The following CHST11 variants were observed in gnomAD, a reference collection of about 807,000 sequenced individuals.
CHST11 encodes the protein C4S-1.
Under a neutral mutation model 30.4 loss-of-function variants are expected in CHST11, and 9 were observed. The ratio of observed to expected loss-of-function variants is 0.30; its 90% CI spans 0.18 to 0.52. The LOEUF is 0.52. CHST11 is among the 20% of genes least tolerant of loss of function. The probability of loss-of-function intolerance (pLI) is 0.97; values close to 1 mark genes in which losing one functional copy is unlikely to be tolerated. For missense variants in CHST11, 348 were observed against 460.6 expected (o/e 0.76, Z 2.24); for synonymous variants, 152 against 187.8 (o/e 0.81, Z 1.56).
intron 1 of CHST11, among the ~76,000 whole-genome samples, chr12:104,583,952 A>T (rs7299085): frequency 0.58 from 87,560 of 152,104 alleles, 25,490 homozygotes; most frequent in East Asian, 0.77. Context: ...ACCTCAAGTG[A>T]TCCGCCCTCC....
intron 2 of CHST11, among the ~76,000 whole-genome samples, chr12:104,620,320 A>G (rs925556277): frequency 6.6e-6 from 1 of 152,230 alleles, no homozygotes; most frequent in African/African-American, 2.4e-5. Context: ...GAGTTTGAAA[A>G]GAAGTGTGAC....
chr12:104,722,764 G>C (rs1383596660), intron 2 of CHST11, among the ~76,000 whole-genome samples: 1 of 151,984 alleles, frequency 6.6e-6, no homozygotes, highest in Non-Finnish European at 1.5e-5. Context: ...GCTGATACCT[G>C]GGGGGAGGTG....
intron 1 of CHST11, among the ~76,000 whole-genome samples, chr12:104,595,502 C>T (rs959593060): frequency 4.6e-5 from 7 of 152,174 alleles, no homozygotes; most frequent in South Asian, 2.1e-4. Context: ...GATGCCCCAC[C>T]GCCCTGTGTT....
At chr12:104,616,467 A>ATTT (rs35122771) in intron 2 of CHST11, among the ~76,000 whole-genome samples, 2 of 139,392 alleles carry the variant, frequency 1.4e-5, no homozygotes, top group Middle Eastern at 3.7e-3. Context: ...GGGAAACTAC[A>ATTT]TTTTTTTTTT....
chr12:104,615,164 C>T (rs964816419), intron 2 of CHST11, among the ~76,000 whole-genome samples: 3 of 152,198 alleles, frequency 2.0e-5, no homozygotes, highest in Non-Finnish European at 4.4e-5. Flanking sequence ...TGTGACGCCC[C>T]GGCCAACTCC....
chr12:104,713,045 C>A (rs1235637059), intron 2 of CHST11, among the ~76,000 whole-genome samples: 1 of 151,666 alleles, frequency 6.6e-6, no homozygotes, highest in Non-Finnish European at 1.5e-5. Flanking sequence ...CTAATTCATG[C>A]GGCTTGCAGT....
chr12:104,526,579 C>T (rs1383815918), intron 1 of CHST11, among the ~76,000 whole-genome samples: 1 of 152,096 alleles, frequency 6.6e-6, no homozygotes, highest in African/African-American at 2.4e-5. Context: ...GTGAGGGGTG[C>T]TTGTTAGAGG....
intron 1 of CHST11, among the ~76,000 whole-genome samples, chr12:104,506,883 A>G (rs1231186467): frequency 6.6e-6 from 1 of 152,082 alleles, no homozygotes; most frequent in Non-Finnish European, 1.5e-5. Flanking sequence ...AGAACAGTCG[A>G]CCTCTAAATG....
At chr12:104,513,554 T>A (rs980406080) in intron 1 of CHST11, among the ~76,000 whole-genome samples, 1 of 152,138 alleles carries the variant, frequency 6.6e-6, no homozygotes, top group African/African-American at 2.4e-5. Context: ...CACAACCAAT[T>A]TTCTGTGTCA....
intron 1 of CHST11, among the ~76,000 whole-genome samples, chr12:104,591,060 T>C (rs181526639): frequency 1.3e-5 from 2 of 151,602 alleles, no homozygotes; most frequent in Admixed American, 6.6e-5. Flanking sequence ...AAGAGAACAG[T>C]TGTTGGTGTT....
intron 1 of CHST11, among the ~76,000 whole-genome samples, chr12:104,555,950 G>T (rs1259271662): frequency 2.0e-5 from 3 of 152,228 alleles, no homozygotes; most frequent in Non-Finnish European, 4.4e-5. Flanking sequence ...GGAAGGAAGG[G>T]AGAGGGATTA....
At chr12:104,632,104 C>T (rs967069877) in intron 2 of CHST11, among the ~76,000 whole-genome samples, 3 of 152,152 alleles carry the variant, frequency 2.0e-5, no homozygotes, top group Admixed American at 6.5e-5. Context: ...AGCAGAGCCC[C>T]GTCCCCGAGG....
intron 1 of CHST11, among the ~76,000 whole-genome samples, chr12:104,599,781 A>G (rs2038941420): frequency 6.6e-6 from 1 of 152,202 alleles, no homozygotes; most frequent in Non-Finnish European, 1.5e-5. Context: ...GCAGTTCTCT[A>G]GGGCAAGGGT....
chr12:104,705,677 T>A (rs1200620074), intron 2 of CHST11, among the ~76,000 whole-genome samples: 6 of 152,130 alleles, frequency 3.9e-5, no homozygotes, highest in Admixed American at 3.9e-4. Flanking sequence ...TCCCAATATC[T>A]TAGGAGGCCA....
intron 1 of CHST11, among the ~76,000 whole-genome samples, chr12:104,491,047 A>T (rs2037739622): frequency 6.6e-6 from 1 of 151,764 alleles, no homozygotes; most frequent in Non-Finnish European, 1.5e-5. Flanking sequence ...CTCCGTCTTA[A>T]CATCTAGCCT....
intron 2 of CHST11, among the ~76,000 whole-genome samples, chr12:104,647,478 G>A (rs1382842051): frequency 6.6e-6 from 1 of 151,838 alleles, no homozygotes; most frequent in Non-Finnish European, 1.5e-5. Context: ...TCTACTCAAA[G>A]GTAATTATTG....
intron 1 of CHST11, among the ~76,000 whole-genome samples, chr12:104,497,005 G>A (rs2037803715): frequency 6.6e-6 from 1 of 152,132 alleles, no homozygotes; most frequent in Non-Finnish European, 1.5e-5. Flanking sequence ...TCTCACCTCT[G>A]ACTTGTGGAT....
chr12:104,508,733 T>A (rs1349780179), intron 1 of CHST11, among the ~76,000 whole-genome samples: 1 of 152,236 alleles, frequency 6.6e-6, no homozygotes, highest in Non-Finnish European at 1.5e-5. Flanking sequence ...ATGAGAAATG[T>A]GGCAGCAGCA....
At chr12:104,566,857 C>T (rs1302626014) in intron 1 of CHST11, among the ~76,000 whole-genome samples, 1 of 151,972 alleles carries the variant, frequency 6.6e-6, no homozygotes, top group Non-Finnish European at 1.5e-5. Context: ...ACCTTAGAAT[C>T]TTTTCCCCAT....
Sources: allele counts gnomAD v4.1 joint callset (sites outside exome capture counted in the v4.1 genomes callset), GRCh38; gene constraint gnomAD v4.1.1; transcripts MANE v1.5; gene names NCBI Gene and HGNC (gene_info 2026-07-23, HGNC 2026-07-21).